Variants in LRRC37A observed in about 807,000 individuals in gnomAD.
LRRC37A encodes leucine-rich repeat-containing protein 37A.
A neutral mutation model predicts 35.4 loss-of-function variants in LRRC37A; 3 were observed. The ratio of observed to expected loss-of-function variants is 0.08; its 90% CI spans 0.04 to 0.22. LRRC37A has a LOEUF of 0.22. Among genes scored for constraint, LRRC37A ranks in the 10% least tolerant of loss-of-function variants. The pLI, the probability that LRRC37A is intolerant of heterozygous loss-of-function variation, is 1.00. For synonymous variants in LRRC37A, 23 were observed against 215.0 expected, an observed-to-expected ratio of 0.11 and a Z score of 7.81; for missense variants, 67 against 565.3, an observed-to-expected ratio of 0.12 and a Z score of 8.94.
chr17:46,254,437 A>ATTTT, the LRRC37A span, among the ~76,000 whole-genome samples: 18,969 of 150,788 alleles, frequency 0.13, no homozygotes, highest in Middle Eastern at 0.19. Flanking sequence ...TTATTTATTT[A>ATTTT]GAGACAGAAT....
chr17:46,279,839 ATTGCCTTTCATTTT>A, the LRRC37A span, among the ~76,000 whole-genome samples: 1 of 152,142 alleles, frequency 6.6e-6, no homozygotes, highest in Admixed American at 6.6e-5. Flanking sequence ...GGCGTTTCTA[ATTGCCTTTCATTTT>A]TATCCCTGAC....
At chr17:46,285,376 G>A in the LRRC37A span, among the ~76,000 whole-genome samples, 3 of 151,952 alleles carry the variant, frequency 2.0e-5, no homozygotes, top group African/African-American at 4.8e-5. Context: ...TAGTAGCTGG[G>A]ATTACAGGCT....
At chr17:46,276,727 CT>C in the LRRC37A span, among the ~76,000 whole-genome samples, 1 of 151,888 alleles carries the variant, frequency 6.6e-6, no homozygotes, top group Non-Finnish European at 1.5e-5. Flanking sequence ...TAGAAATTCC[CT>C]AAAAATGCAA....
chr17:46,269,747 T>C, the LRRC37A span, among the ~76,000 whole-genome samples: 9 of 152,348 alleles, frequency 5.9e-5, no homozygotes, highest in Admixed American at 5.9e-4. Context: ...TCTGATATCA[T>C]TTTTCTATTA....
At chr17:46,281,601 T>A in the LRRC37A span, among the ~76,000 whole-genome samples, 1 of 152,216 alleles carries the variant, frequency 6.6e-6, no homozygotes, top group South Asian at 2.1e-4. Context: ...GGTTAATTTT[T>A]AAAATTTTTG....
At chr17:46,272,894 T>A in the LRRC37A span, among the ~76,000 whole-genome samples, 1 of 152,252 alleles carries the variant, frequency 6.6e-6, no homozygotes, top group Non-Finnish European at 1.5e-5. Context: ...TTACCCTTTT[T>A]AATTTGGCAA....
At chr17:46,255,964 C>A in the LRRC37A span, among the ~76,000 whole-genome samples, 23 of 152,104 alleles carry the variant, frequency 1.5e-4, no homozygotes, top group Admixed American at 3.9e-4. Flanking sequence ...GGTGAGCCAC[C>A]ACACCCGGCC....
the LRRC37A span, among the ~76,000 whole-genome samples, chr17:46,261,932 G>T: frequency 6.6e-6 from 1 of 152,026 alleles, no homozygotes. Flanking sequence ...TGTTGACAAA[G>T]AATCCTAAAG....
At chr17:46,289,048 T>C (rs1441379235), upstream of LRRC37A, among the ~76,000 whole-genome samples, 1 of 152,144 alleles carries the variant, frequency 6.6e-6, no homozygotes. Flanking sequence ...TTTAAGTGCA[T>C]CTCTTCTGCT....
At chr17:46,286,051 C>A in the LRRC37A span, among the ~76,000 whole-genome samples, 1 of 152,212 alleles carries the variant, frequency 6.6e-6, no homozygotes, top group Non-Finnish European at 1.5e-5. Context: ...ATGCAGCACC[C>A]ATGGTACCAA....
the LRRC37A span, among the ~76,000 whole-genome samples, chr17:46,255,725 G>C: frequency 1.1e-4 from 16 of 151,096 alleles, no homozygotes; most frequent in Non-Finnish European, 1.9e-4. Flanking sequence ...ACCCAGGCTG[G>C]AGTGCAGTGG....
the LRRC37A span, among the ~76,000 whole-genome samples, chr17:46,251,879 G>C: frequency 6.6e-6 from 1 of 151,974 alleles, no homozygotes; most frequent in Admixed American, 6.6e-5. Flanking sequence ...CCTGATTCTG[G>C]AATCCTAGCA....
the LRRC37A span, among the ~76,000 whole-genome samples, chr17:46,268,249 C>T: frequency 1.3e-5 from 2 of 152,178 alleles, no homozygotes; most frequent in Non-Finnish European, 2.9e-5. Flanking sequence ...AAACTCCTGA[C>T]CTCAAGTAAT....
the LRRC37A span, among the ~76,000 whole-genome samples, chr17:46,280,722 C>A: frequency 6.6e-6 from 1 of 151,916 alleles, no homozygotes; most frequent in Non-Finnish European, 1.5e-5. Flanking sequence ...TACAGGCATG[C>A]GCCACTATGC....
the LRRC37A span, among the ~76,000 whole-genome samples, chr17:46,253,631 C>G: frequency 4.8e-5 from 7 of 146,500 alleles, no homozygotes; most frequent in Non-Finnish European, 9.0e-5. Flanking sequence ...TGCCTGCAAT[C>G]GCAGGCACTT....
At chr17:46,252,527 G>T in the LRRC37A span, among the ~76,000 whole-genome samples, 1 of 148,598 alleles carries the variant, frequency 6.7e-6, no homozygotes, top group Non-Finnish European at 1.5e-5. Context: ...TGCGCCTTCC[G>T]CAGTCTTTGT....
chr17:46,250,914 C>T, the LRRC37A span, among the ~76,000 whole-genome samples: 31 of 152,228 alleles, frequency 2.0e-4, no homozygotes, highest in African/African-American at 6.5e-4. Flanking sequence ...CCTCTCCTTC[C>T]TCTTCCTCTT....
the LRRC37A span, among the ~76,000 whole-genome samples, chr17:46,251,587 T>G: frequency 2.0e-5 from 3 of 147,346 alleles, no homozygotes; most frequent in African/African-American, 7.3e-5. Context: ...CACAGGACAA[T>G]TCCCCCATAA....
At chr17:46,281,914 G>A in the LRRC37A span, among the ~76,000 whole-genome samples, 14,287 of 144,504 alleles carry the variant, frequency 0.099, no homozygotes, top group Non-Finnish European at 0.15. Flanking sequence ...AAAGTGCTGG[G>A]ATTACAGGCA....
Sources: allele counts gnomAD v4.1 joint callset (sites outside exome capture counted in the v4.1 genomes callset), GRCh38; gene constraint gnomAD v4.1.1; transcripts MANE v1.5; gene names NCBI Gene and HGNC (gene_info 2026-07-23, HGNC 2026-07-21).